The following PARD3B variants were observed in gnomAD, a reference collection of about 807,000 sequenced individuals.
PARD3B encodes the protein par-3 family cell polarity regulator beta, also known as partitioning defective 3 homolog B.
In PARD3B, 103 loss-of-function variants were observed where a neutral mutation model predicts 130.2. The ratio of observed to expected loss-of-function variants is 0.79; its 90% confidence interval spans 0.67 to 0.93. The LOEUF is 0.93. Ranked by LOEUF, PARD3B falls within the 40% of genes least tolerant of loss-of-function variation. The probability of loss-of-function intolerance (pLI) is 0.00; values close to 1 mark genes in which losing one functional copy is unlikely to be tolerated. For synonymous variants in PARD3B, 583 were observed against 553.2 expected, an observed-to-expected ratio of 1.05 and a Z score of -0.76; for missense variants, 1,609 against 1,499.2, an observed-to-expected ratio of 1.07 and a Z score of -1.21.
intron 4 of PARD3B, among the ~76,000 whole-genome samples, chr2:205,054,647 A>G (rs1699521575): frequency 6.6e-6 from 1 of 150,752 alleles, no homozygotes; most frequent in African/African-American, 2.4e-5. Flanking sequence ...TTTGCTGTTT[A>G]GCCTTGATCT....
intron 3 of PARD3B, among the ~76,000 whole-genome samples, chr2:204,988,494 ATTGT>A (rs761944224): frequency 2.8e-4 from 43 of 152,210 alleles, no homozygotes; most frequent in Non-Finnish European, 4.9e-4. Context: ...AAAGATTGTA[ATTGT>A]TTGTAACACA....
chr2:205,572,562 T>C lies in PARD3B; in HGVS notation c.3260+19159T>C, dbSNP rs1482721823. On this transcript the variant is annotated intron_variant, in intron 22 of 22. Coordinates refer to ENST00000406610, the MANE Select transcript of PARD3B (RefSeq NM_001302769.2). The surrounding 1 kb of genome is among the most constrained non-coding windows in gnomAD (Gnocchi z 4.2). ...GAGTTTGAGACCACCCCAAACAACA[T>C]GGTGAAACCTCATCTCTACTAAAAT... Among the ~76,000 whole-genome samples the C allele has an allele frequency of 6.6e-6, 1 of 152,134 alleles. No individual in the cohort carries two copies. Among genetic ancestry groups the C allele is most frequent in the Non-Finnish European group, 1.5e-5 (1 of 68,016 alleles).
intron 2 of PARD3B, among the ~76,000 whole-genome samples, chr2:204,883,455 A>ATATTT (rs1377428928): frequency 6.5e-5 from 5 of 77,276 alleles, no homozygotes; most frequent in African/African-American, 2.2e-4. Flanking sequence ...ATATATATAT[A>ATATTT]TTTTTTTTTT....
rs1463533323 is a variant in PARD3B at position 205,268,469 on chromosome 2, T to C, written c.2185+22647T>C. Among the ~76,000 whole-genome samples the C allele has an allele frequency of 6.6e-6, 1 of 152,154 alleles. No homozygotes were observed. The highest frequency in any genetic ancestry group is 1.5e-5 in the Non-Finnish European group (1 of 68,032). On this transcript the variant is annotated intron_variant, in intron 16 of 22. Transcript: ENST00000406610. This position sits in a 1 kb window ranked among gnomAD's most constrained non-coding sequence, Gnocchi z 4.1. ...ATTGATTCACATTACTGGTCAGCCCTCTTAAGATTCTATGCTTCTCTGGGT... is the reference window on the plus strand; with the variant it reads ...ATTGATTCACATTACTGGTCAGCCCCCTTAAGATTCTATGCTTCTCTGGGT...
chr2:205,061,005 G>A (rs1700032503), intron 4 of PARD3B, among the ~76,000 whole-genome samples: 2 of 152,082 alleles, frequency 1.3e-5, no homozygotes, highest in African/African-American at 4.8e-5. Flanking sequence ...TTGACCAAAT[G>A]AAGTTGTGCA....
intron 18 of PARD3B, among the ~76,000 whole-genome samples, chr2:205,367,500 A>T (rs997873802): frequency 5.9e-5 from 9 of 152,196 alleles, no homozygotes; most frequent in African/African-American, 2.2e-4. Context: ...TTATCTAGAG[A>T]CCTTAAAAAA....
chr2:204,871,043 T>C (rs951729858), intron 2 of PARD3B, among the ~76,000 whole-genome samples: 2 of 152,176 alleles, frequency 1.3e-5, no homozygotes, highest in Admixed American at 1.3e-4. Flanking sequence ...TAATCATACA[T>C]ACATATATCA....
chr2:204,912,462 G>A (rs2047275194), intron 2 of PARD3B, among the ~76,000 whole-genome samples: 1 of 152,092 alleles, frequency 6.6e-6, no homozygotes, highest in Non-Finnish European at 1.5e-5. Flanking sequence ...GATTCTCATA[G>A]TGATTTTATG....
chr2:205,057,227 ATG>A lies in PARD3B; in HGVS notation c.504+9541_504+9542del, dbSNP rs1316212407. Among the ~76,000 whole-genome samples, 3 of 150,734 alleles carry A rather than the reference ATG, an allele frequency of 2.0e-5. No homozygotes were observed. In the East Asian group the frequency reaches 5.8e-4, roughly 29 times the overall value. On this transcript the variant is annotated intron_variant, in intron 4 of 22. Coordinates refer to ENST00000406610, the MANE Select transcript of PARD3B (RefSeq NM_001302769.2). Reference sequence around the variant, plus strand: ...ACAAATCCTGACCTTATGTATGTATATGTGTTATATACATATACATGTGTTAT... The same window carrying A: ...ACAAATCCTGACCTTATGTATGTATATGTTATATACATATACATGTGTTAT...
chr2:205,173,185 A>C (rs1231872078), intron 12 of PARD3B, among the ~76,000 whole-genome samples: 1 of 152,180 alleles, frequency 6.6e-6, no homozygotes, highest in East Asian at 1.9e-4. Flanking sequence ...GTGTAATAAA[A>C]TAATATACAA....
At chr2:205,358,026 C>A (rs142380009) in intron 18 of PARD3B, among the ~76,000 whole-genome samples, 247 of 152,290 alleles carry the variant, frequency 1.6e-3, no homozygotes, top group African/African-American at 5.7e-3. Flanking sequence ...TATGGTGAAT[C>A]TTTCAAAGAT....
At chr2:204,858,259 C>G (rs757998207) in intron 2 of PARD3B, among the ~76,000 whole-genome samples, 1 of 151,954 alleles carries the variant, frequency 6.6e-6, no homozygotes, top group African/African-American at 2.4e-5. Context: ...AGAGGATCAC[C>G]TCAATTGAAA....
At chr2:205,233,706 T>A (rs1368913039) in intron 15 of PARD3B, among the ~76,000 whole-genome samples, 1 of 152,170 alleles carries the variant, frequency 6.6e-6, no homozygotes, top group Non-Finnish European at 1.5e-5. Context: ...CATCATAGTT[T>A]AGCCTAGCCT....
chr2:204,598,813 C>T (rs12052242), intron 1 of PARD3B, among the ~76,000 whole-genome samples: 4,412 of 151,970 alleles, frequency 0.029, 190 homozygotes, highest in East Asian at 0.13. Context: ...TTAATGGGAT[C>T]TACTAGATCA....
intron 16 of PARD3B, among the ~76,000 whole-genome samples, chr2:205,248,414 T>TGGTGGTGGTGGG (rs1467840572): frequency 6.7e-6 from 1 of 148,202 alleles, no homozygotes; most frequent in African/African-American, 2.5e-5. Context: ...GTGGTGGTGG[T>TGGTGGTGGTGGG]GGCGGCAGCA....
rs951007457 is a variant in PARD3B, at chr2:204,926,606, C to T, written c.223-38546C>T. 4.9e-4 allele frequency among the ~76,000 whole-genome samples: 75 copies of T among 152,004 alleles called. 1 individual carries two copies. The highest frequency in any genetic ancestry group is 3.1e-4 in the African/African-American group (13 of 41,382). ...CTCCTCACAACATGTGAGTTCGATC[C>T]GTGACAGCATTTTACCCTTATTATT... On this transcript the variant is annotated intron_variant, in intron 2 of 22. Transcript: ENST00000406610.
rs553601867 is a variant in PARD3B at position 205,070,675 on chromosome 2, C to T, written c.504+22985C>T. On this transcript the variant is annotated intron_variant, in intron 4 of 22. Transcript: ENST00000406610. The stretch of plus-strand genomic sequence containing the variant: ...ACATAATAAGTTTTGTTTTGTTTTT[C>T]GCCATTAGTAACCTAAATTTGATTA... Among the ~76,000 whole-genome samples, 54 of 152,118 alleles carry T rather than the reference C, an allele frequency of 3.5e-4. No homozygotes were observed. The South Asian group carries it at 0.01, about 29-fold the overall frequency.
chr2:205,206,858 C>T (rs1354203313), intron 15 of PARD3B, among the ~76,000 whole-genome samples: 9 of 150,746 alleles, frequency 6.0e-5, no homozygotes, highest in Admixed American at 5.9e-4. Context: ...AGCTCTGCAC[C>T]AAGCGGACCT....
In PARD3B at chr2:204,887,171, G is replaced by T. The variant is rs1349509050; in HGVS notation, c.223-77981G>T. ...GTTCAATTGAGATGAATGGTAATGGGATTATATTACTGTAATTCATTTATT... is the reference window on the plus strand; with the variant it reads ...GTTCAATTGAGATGAATGGTAATGGTATTATATTACTGTAATTCATTTATT... On this transcript the variant is annotated intron_variant, in intron 2 of 22. Transcript: ENST00000406610. The surrounding 1 kb of genome is among the most constrained non-coding windows in gnomAD (Gnocchi z 4.2). Among the ~76,000 whole-genome samples the T allele has an allele frequency of 6.6e-6, 1 of 152,082 alleles. No homozygotes were observed. Among genetic ancestry groups the T allele is most frequent in the Non-Finnish European group, 1.5e-5 (1 of 68,040 alleles).
Sources: gnomAD v4.1 joint callset for allele counts (sites outside exome capture counted in the v4.1 genomes callset) on GRCh38, gnomAD v4.1.1 for gene constraint, Gnocchi (gnomAD v3.1) non-coding constraint, MANE v1.5 for transcripts, NCBI Gene and HGNC (gene_info 2026-07-23, HGNC 2026-07-21) for gene names.